The following BIRC2 variants were observed in gnomAD, a reference collection of about 807,000 sequenced individuals.
The protein encoded by BIRC2 is baculoviral IAP repeat-containing protein 2.
Under a neutral mutation model 60.9 loss-of-function variants are expected in BIRC2, and 18 were observed. The observed-to-expected ratio is 0.30, with a 90% CI of 0.20 to 0.44. BIRC2 has a LOEUF of 0.44. Among genes scored for constraint, BIRC2 ranks in the 20% least tolerant of loss-of-function variants. The pLI is 1.00. For synonymous variants in BIRC2, 282 were observed against 247.7 expected (o/e 1.14, Z -1.30); for missense variants, 701 against 728.5 (o/e 0.96, Z 0.43).
Position 102,362,967 on chromosome 11 carries a change from T to C in BIRC2, c.1067T>C (p.Leu356Pro). 1 of 1,607,676 alleles carries C rather than the reference T, an allele frequency of 6.2e-7. No homozygotes were observed. The highest frequency in any genetic ancestry group is 8.5e-7 in the Non-Finnish European group (1 of 1,174,820). The change falls in exon 4 of 9, where the codon CTT becomes CCT. Residue 356 changes from leucine to proline, a missense_variant. This residue lies in a region of BIRC2 where 39 missense variants were observed against 69.8 expected (regional missense o/e 0.56). Transcript: ENST00000227758. ...ATTCAAGGTAGATATCCTCATCTTC[T>C]TGAACAGGTAAATACATTTTTAAAA... ...DEIQGRYPHL[L>P]EQLLSTSDTT...
chr11:102,368,696 C>A lies in BIRC2; in HGVS notation c.1366+148C>A, dbSNP rs548052264. On this transcript the variant is annotated intron_variant, in intron 6 of 8. Coordinates refer to ENST00000227758, the MANE Select transcript of BIRC2 (RefSeq NM_001166.5). ...TTCGAAACCATCCCTCCTTTTCTAC[C>A]CCTTTCAATTGCTTCTAGTTGAGAA... 41 of 1,121,764 alleles carry A rather than the reference C, an allele frequency of 3.7e-5. No homozygotes were observed. In the South Asian group the frequency reaches 6.6e-4, roughly 18 times the overall value. 69.5% of individuals were successfully genotyped at this position (1,121,764 alleles called of 1,614,324 possible).
intron 3 of BIRC2, among the ~76,000 whole-genome samples, chr11:102,356,493 G>A (rs1951423077): frequency 6.6e-6 from 1 of 151,884 alleles, no homozygotes; most frequent in Admixed American, 6.6e-5. Context: ...ACTGCACCCG[G>A]CCAGCTTTCA....
chr11:102,375,376 T>G (rs1847492663), intron 6 of BIRC2, among the ~76,000 whole-genome samples: 1 of 152,236 alleles, frequency 6.6e-6, no homozygotes, highest in African/African-American at 2.4e-5. Flanking sequence ...AGATGCTTTC[T>G]TTTTAAGCTT....
intron 3 of BIRC2, among the ~76,000 whole-genome samples, chr11:102,361,098 CTTG>C (rs1300590759): frequency 1.3e-5 from 2 of 152,236 alleles, no homozygotes; most frequent in South Asian, 2.1e-4. Flanking sequence ...TGGCTTTGGG[CTTG>C]TTGTGTTGGT....
intron 6 of BIRC2, among the ~76,000 whole-genome samples, chr11:102,372,123 C>T (rs12271989): frequency 0.063 from 8,992 of 142,104 alleles, 290 homozygotes; most frequent in Non-Finnish European, 0.072. Flanking sequence ...AACCAGCTCC[C>T]GGATTCATTG....
chr11:102,365,768 G>GTGTT (rs1238126946), intron 5 of BIRC2, among the ~76,000 whole-genome samples: 1 of 151,990 alleles, frequency 6.6e-6, no homozygotes, highest in African/African-American at 2.4e-5. Flanking sequence ...GTGTGTGTGT[G>GTGTT]TGTTTGTAGA....
At chr11:102,367,900 G>GGAA (rs1951572060) in intron 5 of BIRC2, among the ~76,000 whole-genome samples, 2 of 152,142 alleles carry the variant, frequency 1.3e-5, no homozygotes, top group Non-Finnish European at 2.9e-5. Flanking sequence ...ACTTTTCCAT[G>GGAA]AAGTCTTTGT....
intron 3 of BIRC2, among the ~76,000 whole-genome samples, chr11:102,360,446 A>AT (rs934935013): frequency 2.7e-5 from 4 of 149,524 alleles, no homozygotes; most frequent in African/African-American, 7.4e-5. Context: ...TCTCTATTGC[A>AT]TTTTTTGTTG....
intron 3 of BIRC2, among the ~76,000 whole-genome samples, chr11:102,360,003 G>C (rs901275636): frequency 1.4e-5 from 2 of 146,712 alleles, no homozygotes; most frequent in African/African-American, 5.0e-5. Flanking sequence ...GTCTTGTTCT[G>C]TCACCCAGGC....
chr11:102,374,928 T>C (rs1951689739), intron 6 of BIRC2, among the ~76,000 whole-genome samples: 1 of 152,210 alleles, frequency 6.6e-6, no homozygotes, highest in South Asian at 2.1e-4. Flanking sequence ...TGACCCGATT[T>C]TCCAGGTGCG....
intron 3 of BIRC2, among the ~76,000 whole-genome samples, chr11:102,353,731 C>T (rs185566611): frequency 8.7e-4 from 92 of 106,046 alleles, no homozygotes; most frequent in African/African-American, 3.3e-3. Flanking sequence ...GATGCTCTTT[C>T]GCAAATTTCA....
intron 3 of BIRC2, among the ~76,000 whole-genome samples, chr11:102,354,228 G>T (rs961372281): frequency 6.6e-6 from 1 of 152,080 alleles, no homozygotes; most frequent in African/African-American, 2.4e-5. Flanking sequence ...TATTTATTTT[G>T]AGATGGAGTC....
chr11:102,378,648 CT>C lies in BIRC2; in HGVS notation c.*466del, dbSNP rs1951740486. On this transcript the variant is annotated 3_prime_UTR_variant, in exon 9 of 9. Transcript: ENST00000227758. ...TCTCCCCCTAGTTTGTGAGAAACAT[CT>C]CAATAAAGTGCTTTAAAAAGATTGT... The C allele has an allele frequency of 6.6e-6, 1 of 152,298 alleles. No homozygotes were observed. The highest frequency in any genetic ancestry group is 6.6e-5 in the Admixed American group (1 of 15,266). 9.4% of individuals were successfully genotyped at this position (152,298 alleles called of 1,614,324 possible).
intron 3 of BIRC2, among the ~76,000 whole-genome samples, chr11:102,351,614 CAAAA>C (rs768269523): frequency 4.4e-5 from 3 of 68,610 alleles, no homozygotes; most frequent in African/African-American, 1.2e-4. Context: ...GACTCTGTCT[CAAAA>C]AAAAAAAAAA....
chr11:102,369,004 C>A (rs144308116), intron 6 of BIRC2, among the ~76,000 whole-genome samples: 3 of 151,888 alleles, frequency 2.0e-5, no homozygotes, highest in East Asian at 1.9e-4. Context: ...ATAGAACTTA[C>A]AATGAAATTC....
At chr11:102,364,890 A>G (rs1034847014) in intron 5 of BIRC2, among the ~76,000 whole-genome samples, 1 of 152,224 alleles carries the variant, frequency 6.6e-6, no homozygotes, top group African/African-American at 2.4e-5. Context: ...CTGTTCTTAA[A>G]ATTTATAACC....
intron 6 of BIRC2, among the ~76,000 whole-genome samples, chr11:102,370,009 GTTGT>G (rs1347353496): frequency 6.6e-6 from 1 of 152,150 alleles, no homozygotes; most frequent in African/African-American, 2.4e-5. Context: ...TTTTGATGGG[GTTGT>G]TTGTTTTTGT....
Position 102,378,123 on chromosome 11 carries a change from A to G in BIRC2, c.1797A>G (p.Leu599=), listed in dbSNP as rs1165339277. ...LVVCQECAPS[L]RKCPICRGII... ...TATGCCAGGAATGTGCCCCTTCTCTAAGAAAATGCCCTATTTGCAGGGGTA... is the reference window on the plus strand; with the variant it reads ...TATGCCAGGAATGTGCCCCTTCTCTGAGAAAATGCCCTATTTGCAGGGGTA... The change falls in exon 9 of 9, where the codon CTA becomes CTG. Residue 599 remains leucine (L), a synonymous_variant. Transcript: ENST00000227758. 1 of 1,613,602 alleles carries G rather than the reference A, an allele frequency of 6.2e-7. No homozygotes were observed. The highest frequency in any genetic ancestry group is 8.5e-7 in the Non-Finnish European group (1 of 1,179,750).
chr11:102,358,286 T>G (rs1951445635), intron 3 of BIRC2, among the ~76,000 whole-genome samples: 1 of 152,234 alleles, frequency 6.6e-6, no homozygotes, highest in African/African-American at 2.4e-5. Context: ...TTCCAAAATT[T>G]AAAACTTTTT....
Sources: gnomAD v4.1 joint callset for allele counts (sites outside exome capture counted in the v4.1 genomes callset) on GRCh38, gnomAD v4.1.1 for gene constraint, gnomAD v4.1.1 regional missense constraint, MANE v1.5 for transcripts, NCBI Gene and HGNC (gene_info 2026-07-23, HGNC 2026-07-21) for gene names.